RAB38: variants seen among roughly 807,000 people sequenced by gnomAD.
RAB38 encodes the protein ras-related protein Rab-38.
A neutral mutation model predicts 18.4 loss-of-function variants in RAB38; 15 were observed. That is an observed-to-expected ratio of 0.82 (90% CI 0.55 to 1.26). RAB38 has a LOEUF of 1.26. RAB38 is among the 50% of genes most tolerant of loss of function. The pLI is 0.00. For missense variants in RAB38, 294 were observed against 267.4 expected (o/e 1.10, Z -0.69); for synonymous variants, 101 against 104.4 (o/e 0.97, Z 0.20).
the RAB38 span, among the ~76,000 whole-genome samples, chr11:88,086,663 A>G: frequency 6.6e-6 from 1 of 151,948 alleles, no homozygotes; most frequent in East Asian, 1.9e-4. Context: ...TCAACACACC[A>G]GTAAATGAAT....
chr11:87,860,606 C>G, the RAB38 span, among the ~76,000 whole-genome samples: 3 of 151,598 alleles, frequency 2.0e-5, no homozygotes, highest in Non-Finnish European at 2.9e-5. Flanking sequence ...TGAATTGAAA[C>G]CTTTGTAAAT....
the RAB38 span, among the ~76,000 whole-genome samples, chr11:87,974,886 T>C: frequency 2.0e-5 from 3 of 152,070 alleles, no homozygotes; most frequent in South Asian, 6.2e-4. Context: ...ATTCATTTCC[T>C]AGGCCTACCG....
chr11:88,167,107 T>C (rs1943254822), intron 1 of RAB38: 1 of 152,144 alleles, frequency 6.6e-6, no homozygotes. Context: ...AGAAAAAGTG[T>C]TTCCCTGAGT....
the RAB38 span, among the ~76,000 whole-genome samples, chr11:88,019,646 T>A: frequency 6.6e-6 from 1 of 152,180 alleles, no homozygotes; most frequent in Non-Finnish European, 1.5e-5. Context: ...GAACTCATAT[T>A]CTATCAGCCT....
the RAB38 span, among the ~76,000 whole-genome samples, chr11:87,853,165 G>A: frequency 8.5e-5 from 13 of 152,258 alleles, no homozygotes; most frequent in South Asian, 2.7e-3. Context: ...TCCCTACAAA[G>A]CACGTGGCAT....
the RAB38 span, among the ~76,000 whole-genome samples, chr11:87,964,715 A>G: frequency 1.3e-4 from 20 of 151,688 alleles, no homozygotes; most frequent in African/African-American, 3.9e-4. Context: ...ATGGGCTAGG[A>G]AAAAAAAATT....
At chr11:88,058,703 A>T in the RAB38 span, among the ~76,000 whole-genome samples, 3 of 152,162 alleles carry the variant, frequency 2.0e-5, no homozygotes, top group African/African-American at 7.2e-5. Context: ...TACAGTAAAG[A>T]TGCTCTTGTA....
the RAB38 span, among the ~76,000 whole-genome samples, chr11:87,967,980 G>T: frequency 2.6e-5 from 4 of 152,050 alleles, no homozygotes; most frequent in Non-Finnish European, 5.9e-5. Context: ...TTATTCTGAG[G>T]TTATTTGCTG....
the RAB38 span, among the ~76,000 whole-genome samples, chr11:87,836,386 A>C: frequency 8.6e-5 from 13 of 151,740 alleles, no homozygotes; most frequent in Non-Finnish European, 1.9e-4. Context: ...CAGAAACCTG[A>C]GTATTTTTTT....
chr11:87,918,940 AAC>A, the RAB38 span, among the ~76,000 whole-genome samples: 9 of 151,658 alleles, frequency 5.9e-5, no homozygotes, highest in African/African-American at 1.9e-4. Context: ...AAAAAAAAAA[AAC>A]ATCATTGCCC....
intron 2 of RAB38, among the ~76,000 whole-genome samples, chr11:88,125,320 T>C (rs748005489): frequency 6.6e-6 from 1 of 152,162 alleles, no homozygotes; most frequent in Non-Finnish European, 1.5e-5. Context: ...CATAAACCCT[T>C]CCCTCAATGT....
chr11:88,042,511 T>C, the RAB38 span, among the ~76,000 whole-genome samples: 4 of 152,318 alleles, frequency 2.6e-5, no homozygotes, highest in East Asian at 7.7e-4. Flanking sequence ...ATGAGCCACC[T>C]GCCTTCTGAA....
chr11:88,106,307 G>A, the RAB38 span, among the ~76,000 whole-genome samples: 1 of 152,176 alleles, frequency 6.6e-6, no homozygotes, highest in Non-Finnish European at 1.5e-5. Context: ...ATAGCTATTT[G>A]ATTAAGGAGT....
the RAB38 span, among the ~76,000 whole-genome samples, chr11:87,860,474 A>G: frequency 6.6e-6 from 1 of 152,012 alleles, no homozygotes; most frequent in Non-Finnish European, 1.5e-5. Flanking sequence ...CTTTTAGAGA[A>G]GAGAGTGGAC....
chr11:88,120,246 G>T (rs760482793), intron 2 of RAB38, among the ~76,000 whole-genome samples: 64 of 152,344 alleles, frequency 4.2e-4, no homozygotes, highest in Non-Finnish European at 8.8e-5. Flanking sequence ...TGACAAAAGT[G>T]AAGTCCAGAG....
At chr11:87,810,972 T>G in the RAB38 span, among the ~76,000 whole-genome samples, 1 of 152,042 alleles carries the variant, frequency 6.6e-6, no homozygotes, top group Non-Finnish European at 1.5e-5. Context: ...TAAAAAGGCT[T>G]TAGAACAGGA....
intron 2 of RAB38, among the ~76,000 whole-genome samples, chr11:88,114,572 G>A (rs760294683): frequency 6.6e-6 from 1 of 152,178 alleles, no homozygotes; most frequent in Non-Finnish European, 1.5e-5. Context: ...ATGCATTAAT[G>A]GTTTCACAGA....
At chr11:87,819,784 G>A in the RAB38 span, among the ~76,000 whole-genome samples, 176 of 118,226 alleles carry the variant, frequency 1.5e-3, 1 homozygote, top group African/African-American at 5.4e-3. Flanking sequence ...ATATATATAT[G>A]TATATATGTG....
At chr11:88,021,853 C>A in the RAB38 span, among the ~76,000 whole-genome samples, 65 of 120,370 alleles carry the variant, frequency 5.4e-4, no homozygotes, top group Admixed American at 7.8e-4. Context: ...AACTCCATCT[C>A]AAAAAAAAAA....
Sources: gnomAD v4.1 joint callset for allele counts (sites outside exome capture counted in the v4.1 genomes callset) on GRCh38, gnomAD v4.1.1 for gene constraint, MANE v1.5 for transcripts, NCBI Gene and HGNC (gene_info 2026-07-23, HGNC 2026-07-21) for gene names.